The following DAPK2 variants were observed in gnomAD, a reference collection of about 807,000 sequenced individuals.
DAPK2 encodes death-associated protein kinase 2.
In DAPK2, 35 loss-of-function variants were observed where a neutral mutation model predicts 44.1. The ratio of observed to expected loss-of-function variants is 0.79; its 90% CI spans 0.61 to 1.05. The LOEUF (loss-of-function observed/expected upper bound fraction) is 1.05, where lower values mean the gene tolerates loss of function less well. Ranked by LOEUF, DAPK2 falls within the 50% of genes least tolerant of loss-of-function variation. The pLI, the probability that DAPK2 is intolerant of heterozygous loss-of-function variation, is 0.00. For missense variants in DAPK2, 453 were observed against 483.2 expected (o/e 0.94, Z 0.59); for synonymous variants, 174 against 182.6 (o/e 0.95, Z 0.38).
intron 1 of DAPK2, among the ~76,000 whole-genome samples, chr15:63,998,661 G>A (rs1170302100): frequency 1.3e-5 from 2 of 152,212 alleles, no homozygotes; most frequent in East Asian, 3.9e-4. Context: ...AGCTGAGGTT[G>A]CCATGGCCGT....
At chr15:63,953,002 A>G (rs942037291) in intron 3 of DAPK2, among the ~76,000 whole-genome samples, 3 of 149,854 alleles carry the variant, frequency 2.0e-5, no homozygotes, top group Non-Finnish European at 4.4e-5. Flanking sequence ...TTTTATTTCC[A>G]TGGGCTTTGG....
At chr15:64,018,895 T>G (rs2079607300) in intron 1 of DAPK2, among the ~76,000 whole-genome samples, 1 of 152,182 alleles carries the variant, frequency 6.6e-6, no homozygotes, top group Non-Finnish European at 1.5e-5. Context: ...CAGGTTTGAG[T>G]CCAGGGCCTG....
chr15:63,974,565 G>C (rs2078295161), intron 2 of DAPK2, among the ~76,000 whole-genome samples: 1 of 152,154 alleles, frequency 6.6e-6, no homozygotes, highest in South Asian at 2.1e-4. Context: ...TTAAGACAAG[G>C]GTTATGGAGA....
chr15:63,999,498 G>A (rs2079030104), intron 1 of DAPK2, among the ~76,000 whole-genome samples: 1 of 152,162 alleles, frequency 6.6e-6, no homozygotes, highest in Non-Finnish European at 1.5e-5. Context: ...CAGGACCTCA[G>A]GTCCCTTACT....
At chr15:63,986,483 G>A (rs1429061897) in intron 1 of DAPK2, among the ~76,000 whole-genome samples, 1 of 152,046 alleles carries the variant, frequency 6.6e-6, no homozygotes, top group Non-Finnish European at 1.5e-5. Context: ...GGAGGGCAGT[G>A]GTGTGATCAT....
At chr15:63,936,427 A>G (rs1008424914) in intron 4 of DAPK2, among the ~76,000 whole-genome samples, 3 of 152,192 alleles carry the variant, frequency 2.0e-5, no homozygotes, top group Admixed American at 1.3e-4. Context: ...CCTGGCCAAC[A>G]TGGTGAAACC....
At chr15:63,941,091 T>A (rs2077295034) in intron 3 of DAPK2, among the ~76,000 whole-genome samples, 1 of 152,216 alleles carries the variant, frequency 6.6e-6, no homozygotes, top group Non-Finnish European at 1.5e-5. Flanking sequence ...AAATCAAACA[T>A]CCCTGTTTCT....
chr15:63,995,008 T>G (rs2078915527), intron 1 of DAPK2, among the ~76,000 whole-genome samples: 1 of 152,192 alleles, frequency 6.6e-6, no homozygotes, highest in African/African-American at 2.4e-5. Context: ...TAATTAAAAA[T>G]TATTTTAATA....
intron 4 of DAPK2, among the ~76,000 whole-genome samples, chr15:63,938,457 CA>C (rs1238755471): frequency 1.3e-5 from 2 of 152,180 alleles, no homozygotes; most frequent in Non-Finnish European, 2.9e-5. Flanking sequence ...GAAAATCCAC[CA>C]GGTGGTTGGT....
At chr15:63,922,791 A>G (rs2079114544) in intron 8 of DAPK2, 1 of 1,535,534 alleles carries the variant, frequency 6.5e-7, no homozygotes, top group South Asian at 1.2e-5. Flanking sequence ...AGCAGCTCTG[A>G]CAGGGATTCA....
chr15:63,995,891 A>T (rs528868369), intron 1 of DAPK2, among the ~76,000 whole-genome samples: 1 of 152,364 alleles, frequency 6.6e-6, no homozygotes, highest in South Asian at 2.1e-4. Flanking sequence ...ATTATTCAGC[A>T]TGTGTGTAGT....
chr15:63,985,685 C>G (rs945994028), intron 1 of DAPK2, among the ~76,000 whole-genome samples: 5 of 152,186 alleles, frequency 3.3e-5, no homozygotes, highest in African/African-American at 1.2e-4. Flanking sequence ...CATCCAAATC[C>G]CCCAGCTCCC....
exon 2 of DAPK2, chr15:63,983,579 G>A (rs2078588454): frequency 5.6e-6 from 9 of 1,614,188 alleles, no homozygotes; most frequent in Non-Finnish European, 7.6e-6. Flanking sequence ...TAGACGTCGT[G>A]CAGCGTGATG....
At chr15:63,982,165 T>C (rs930653314) in intron 2 of DAPK2, among the ~76,000 whole-genome samples, 4 of 150,142 alleles carry the variant, frequency 2.7e-5, no homozygotes, top group East Asian at 2.0e-4. Flanking sequence ...GGTGTATACA[T>C]GCTTATGAGC....
upstream of DAPK2, among the ~76,000 whole-genome samples, chr15:64,041,319 T>G (rs1451400964): frequency 6.6e-6 from 1 of 152,188 alleles, no homozygotes; most frequent in African/African-American, 2.4e-5. Flanking sequence ...TGTCCTCATC[T>G]GTAAAACTGA....
chr15:63,975,125 TG>T (rs1249128324), intron 2 of DAPK2, among the ~76,000 whole-genome samples: 1 of 152,134 alleles, frequency 6.6e-6, no homozygotes, highest in African/African-American at 2.4e-5. Flanking sequence ...TGACAGAAGC[TG>T]GGGTATCCAG....
rs898400222 is a variant in DAPK2 at position 63,969,152 on chromosome 15, C to T, written c.453+2271G>A. ...ATACCGTGACAGCCAGGAGCAGTGG[C>T]TCATGCCTGTAGTCCCAACACTTTG... On this transcript the variant is annotated intron_variant, in intron 3 of 10. Transcript: ENST00000261891. Among the ~76,000 whole-genome samples the T allele has an allele frequency of 2.0e-5, 3 of 152,234 alleles. No homozygotes were observed. The South Asian group carries it at 6.2e-4, about 32-fold the overall frequency.
intron 1 of DAPK2, among the ~76,000 whole-genome samples, chr15:64,033,421 T>C (rs12915910): frequency 0.82 from 124,607 of 151,456 alleles, 51,584 homozygotes; most frequent in East Asian, 0.92. Flanking sequence ...CCACGGCACC[T>C]GGCCTTAAAT....
chr15:63,963,687 T>TTCTTTTTATC (rs2077975589), intron 3 of DAPK2, among the ~76,000 whole-genome samples: 1 of 152,204 alleles, frequency 6.6e-6, no homozygotes, highest in Non-Finnish European at 1.5e-5. Context: ...AAGTTTTAAT[T>TTCTTTTTATC]TCTTGCTTTT....
Sources: gnomAD v4.1 joint callset for allele counts (sites outside exome capture counted in the v4.1 genomes callset) on GRCh38, gnomAD v4.1.1 for gene constraint, MANE v1.5 for transcripts, NCBI Gene and HGNC (gene_info 2026-07-23, HGNC 2026-07-21) for gene names.